Variants in SFMBT2 observed in about 807,000 individuals in gnomAD.
SFMBT2 encodes the protein Scm like with four mbt domains 2, also known as scm-like with four MBT domains protein 2.
A neutral mutation model predicts 110.1 loss-of-function variants in SFMBT2; 38 were observed. The ratio of observed to expected loss-of-function variants is 0.35; its 90% CI spans 0.27 to 0.45. SFMBT2 has a LOEUF of 0.45. Ranked by LOEUF, SFMBT2 falls within the 20% of genes least tolerant of loss-of-function variation. The probability of loss-of-function intolerance (pLI) is 1.00; values close to 1 mark genes in which losing one functional copy is unlikely to be tolerated. For missense variants in SFMBT2, 1,011 were observed against 1,094.9 expected, an observed-to-expected ratio of 0.92 and a Z score of 1.08; for synonymous variants, 425 against 425.4, an observed-to-expected ratio of 1.00 and a Z score of 0.01.
In SFMBT2 at chr10:7,163,810, T is replaced by A; in HGVS notation, c.2645A>T (p.Glu882Val). ...GPAIKLCHQI[E>V]RVKVAFYAQY... ...GGCGTAGAAAGCCACTTTGACTCTCTCGATCTGGTGGCATAACTTGATGGC... is the reference window on the plus strand; with the variant it reads ...GGCGTAGAAAGCCACTTTGACTCTCACGATCTGGTGGCATAACTTGATGGC... The change falls in exon 21 of 21, where the codon GAG (glutamate) becomes GTG (valine). Residue 882 changes from glutamate to valine, a missense_variant. Coordinates refer to ENST00000397167, the MANE Select transcript of SFMBT2 (RefSeq NM_001387889.1). The surrounding 1 kb of genome is among the most constrained non-coding windows in gnomAD (Gnocchi z 4.8). 1 of 1,614,202 alleles carries A rather than the reference T, an allele frequency of 6.2e-7. No individual in the cohort carries two copies. Among genetic ancestry groups the A allele is most frequent in the Non-Finnish European group, 8.5e-7 (1 of 1,180,034 alleles).
At position 7,170,729 on chromosome 10, in the gene SFMBT2, C is replaced by G. The variant is rs1837849750; in HGVS notation, c.2544+199G>C. On this transcript the variant is annotated intron_variant, in intron 20 of 20. Transcript: ENST00000397167. This position sits in a 1 kb window ranked among gnomAD's most constrained non-coding sequence, Gnocchi z 4.6. ...TGGCACTGGTGGGGCCTGAGAGGAG[C>G]AGGAATGAGGCTCTGTCTCTCGTCC... Among the ~76,000 whole-genome samples, 1 of 152,116 alleles carries G rather than the reference C, an allele frequency of 6.6e-6. No homozygotes were observed. Among genetic ancestry groups the G allele is most frequent in the African/African-American group, 2.4e-5 (1 of 41,426 alleles).
chr10:7,221,387 T>C (rs1211842630), intron 10 of SFMBT2, among the ~76,000 whole-genome samples: 1 of 151,866 alleles, frequency 6.6e-6, no homozygotes, highest in Non-Finnish European at 1.5e-5. Flanking sequence ...GCTAACATGA[T>C]GAAACTCCAA....
intron 4 of SFMBT2, among the ~76,000 whole-genome samples, chr10:7,350,110 C>T (rs1418616408): frequency 6.6e-6 from 1 of 152,190 alleles, no homozygotes; most frequent in Admixed American, 6.5e-5. Context: ...GTGTTCGTGG[C>T]TAGGTCATGG....
At chr10:7,350,702 A>G (rs1844285230) in intron 4 of SFMBT2, among the ~76,000 whole-genome samples, 1 of 152,224 alleles carries the variant, frequency 6.6e-6, no homozygotes, top group South Asian at 2.1e-4. Flanking sequence ...GAAGAGTTCT[A>G]CCATAGCCAT....
At chr10:7,338,127 A>G (rs1176458186) in intron 4 of SFMBT2, among the ~76,000 whole-genome samples, 1 of 152,234 alleles carries the variant, frequency 6.6e-6, no homozygotes, top group Admixed American at 6.5e-5. Flanking sequence ...CTAAGGGGAA[A>G]AATAACAATA....
rs559515679 is a variant in SFMBT2, at chr10:7,336,938, A to G, written c.436+30711T>C. Among the ~76,000 whole-genome samples, 11 of 152,336 alleles carry G rather than the reference A, an allele frequency of 7.2e-5. No homozygotes were observed. In the South Asian group the frequency reaches 2.3e-3, roughly 32 times the overall value. On this transcript the variant is annotated intron_variant, in intron 4 of 20. Coordinates refer to ENST00000397167, the MANE Select transcript of SFMBT2 (RefSeq NM_001387889.1). ...TCAATGAGAAAAACTCAGAGAACCA[A>G]GCCAGGCAACGTACCATTAGACCCA...
chr10:7,187,263 G>A (rs1377369298), intron 16 of SFMBT2, among the ~76,000 whole-genome samples: 1 of 152,162 alleles, frequency 6.6e-6, no homozygotes, highest in African/African-American at 2.4e-5. Flanking sequence ...TTTAAAATAA[G>A]AAGGATTTCT....
chr10:7,368,600 A>G (rs1844977745), intron 3 of SFMBT2, among the ~76,000 whole-genome samples: 1 of 152,228 alleles, frequency 6.6e-6, no homozygotes, highest in Non-Finnish European at 1.5e-5. Context: ...CCCCCAGGAC[A>G]CTATATTGTG....
chr10:7,192,874 G>A (rs1029924228), intron 15 of SFMBT2, among the ~76,000 whole-genome samples: 1 of 152,124 alleles, frequency 6.6e-6, no homozygotes, highest in African/African-American at 2.4e-5. Flanking sequence ...CTTTGATTCT[G>A]CTGGTCTACG....
At chr10:7,321,691 T>A (rs146236366) in intron 4 of SFMBT2, among the ~76,000 whole-genome samples, 14 of 152,328 alleles carry the variant, frequency 9.2e-5, no homozygotes, top group African/African-American at 3.4e-4. Context: ...GTCCCATTAA[T>A]ACCTCCATAT....
At chr10:7,212,564 C>T (rs2762591) in intron 11 of SFMBT2, among the ~76,000 whole-genome samples, 12,017 of 152,254 alleles carry the variant, frequency 0.079, 508 homozygotes, top group South Asian at 0.15. Context: ...CCTAATAATA[C>T]TATCAGCAAC....
chr10:7,283,982 A>G lies in SFMBT2; in HGVS notation c.694T>C (p.Trp232Arg). 1 of 1,610,832 alleles carries G rather than the reference A, an allele frequency of 6.2e-7. No individual in the cohort carries two copies. Among genetic ancestry groups the G allele is most frequent in the Non-Finnish European group, 8.5e-7 (1 of 1,176,948 alleles). The change falls in exon 6 of 21, where the codon TGG becomes CGG. Residue 232 changes from tryptophan to arginine, a missense_variant. Transcript: ENST00000397167. ...GLEDTESYDQ[W>R]LFYLDYRLRP... The stretch of plus-strand genomic sequence containing the variant: ...AGTCTGTAATCCAAGTAAAACAACC[A>G]CTGGTCATAGGATTCAGTGTCCTCC...
intron 17 of SFMBT2, among the ~76,000 whole-genome samples, chr10:7,174,931 G>A (rs1838004448): frequency 6.6e-6 from 1 of 152,226 alleles, no homozygotes; most frequent in South Asian, 2.1e-4. Context: ...AAGGCAGAGT[G>A]GCAAGGGGAC....
intron 4 of SFMBT2, among the ~76,000 whole-genome samples, chr10:7,316,594 C>T (rs1037024042): frequency 6.6e-6 from 1 of 152,206 alleles, no homozygotes; most frequent in African/African-American, 2.4e-5. Context: ...AGTTTAAAAC[C>T]TGGATCCACC....
rs1588779073 is a variant in SFMBT2, at chr10:7,186,591, T to C, written c.1808+2033A>G. 5.3e-5 allele frequency among the ~76,000 whole-genome samples: 8 copies of C among 152,158 alleles called. No individual in the cohort carries two copies. The South Asian group carries it at 1.7e-3, about 32-fold the overall frequency. On this transcript the variant is annotated intron_variant, in intron 16 of 20. Transcript: ENST00000397167. ...TCCCAAAGTGCAGGGATTACAGTCA[T>C]GAGCCACCACGCCTGGCCTGGACCA...
intron 7 of SFMBT2, among the ~76,000 whole-genome samples, chr10:7,266,332 C>A (rs34215662): frequency 0.5 from 75,917 of 151,328 alleles, 20,281 homozygotes; most frequent in East Asian, 0.81. Flanking sequence ...TCAGGTGATC[C>A]ACCCACCTCG....
At chr10:7,369,631 T>A (rs144529517) in intron 3 of SFMBT2, among the ~76,000 whole-genome samples, 1 of 152,226 alleles carries the variant, frequency 6.6e-6, no homozygotes, top group Non-Finnish European at 1.5e-5. Flanking sequence ...TGCCAATAAA[T>A]GGCTGGAAAT....
At chr10:7,220,896 G>A (rs919450109) in intron 10 of SFMBT2, among the ~76,000 whole-genome samples, 1 of 149,554 alleles carries the variant, frequency 6.7e-6, no homozygotes, top group Non-Finnish European at 1.5e-5. Flanking sequence ...GCGTGATCTC[G>A]GCTCACTGCC....
intron 4 of SFMBT2, among the ~76,000 whole-genome samples, chr10:7,313,160 A>C (rs983547985): frequency 6.7e-6 from 1 of 150,312 alleles, no homozygotes; most frequent in Non-Finnish European, 1.5e-5. Flanking sequence ...AGAGAGAATA[A>C]TACAATTGTT....
Sources: gnomAD v4.1 joint callset for allele counts (sites outside exome capture counted in the v4.1 genomes callset) on GRCh38, gnomAD v4.1.1 for gene constraint, Gnocchi (gnomAD v3.1) non-coding constraint, MANE v1.5 for transcripts, NCBI Gene and HGNC (gene_info 2026-07-23, HGNC 2026-07-21) for gene names.